MLLT1: variants seen among roughly 807,000 people sequenced by gnomAD.
MLLT1 encodes the protein MLLT1 super elongation complex subunit, also known as protein ENL.
Under a neutral mutation model 55.1 loss-of-function variants are expected in MLLT1, and 11 were observed. That is an observed-to-expected ratio of 0.20 (90% CI 0.13 to 0.33). MLLT1 has a LOEUF of 0.33. Ranked by LOEUF, MLLT1 falls within the 10% of genes least tolerant of loss-of-function variation. MLLT1 has a pLI of 1.00. For missense variants in MLLT1, 536 were observed against 760.6 expected (o/e 0.70, Z 3.47); for synonymous variants, 323 against 320.1 (o/e 1.01, Z -0.10).
chr19:6,235,707 C>A lies in MLLT1; in HGVS notation c.277-4994G>T, dbSNP rs1042143065. Among the ~76,000 whole-genome samples the A allele has an allele frequency of 6.6e-6, 1 of 152,184 alleles. No homozygotes were observed. Among genetic ancestry groups the A allele is most frequent in the Non-Finnish European group, 1.5e-5 (1 of 68,028 alleles). On this transcript the variant is annotated intron_variant, in intron 3 of 11. Coordinates refer to ENST00000252674, the MANE Select transcript of MLLT1 (RefSeq NM_005934.4). The surrounding 1 kb of genome is among the most constrained non-coding windows in gnomAD (Gnocchi z 5.5). ...GACCACCTGCCTCCTAACCGTCACC[C>A]GCTTCCACCACAGCCCCCTTTCAGG...
chr19:6,250,437 A>T (rs1440426770), intron 3 of MLLT1, among the ~76,000 whole-genome samples: 2 of 152,202 alleles, frequency 1.3e-5, no homozygotes, highest in African/African-American at 4.8e-5. Context: ...ATCCCTCAGA[A>T]CTGTGAGGGA....
chr19:6,266,958 A>G (rs1325394538), intron 2 of MLLT1, among the ~76,000 whole-genome samples: 5 of 152,136 alleles, frequency 3.3e-5, no homozygotes, highest in Non-Finnish European at 7.3e-5. Flanking sequence ...TGAAACACTC[A>G]GAGGACTTTA....
At chr19:6,234,853 A>G (rs2091044853) in intron 3 of MLLT1, among the ~76,000 whole-genome samples, 1 of 152,196 alleles carries the variant, frequency 6.6e-6, no homozygotes, top group South Asian at 2.1e-4. Flanking sequence ...AGACAAACCA[A>G]AGAATCACAG....
At chr19:6,261,529 G>A (rs2091305881) in intron 3 of MLLT1, among the ~76,000 whole-genome samples, 1 of 151,800 alleles carries the variant, frequency 6.6e-6, no homozygotes, top group Admixed American at 6.6e-5. Context: ...GCACTTGTGG[G>A]AAAGCAGCCG....
chr19:6,261,631 A>G (rs1338297249), intron 3 of MLLT1, among the ~76,000 whole-genome samples: 4 of 150,154 alleles, frequency 2.7e-5, no homozygotes, highest in Non-Finnish European at 1.5e-5. Context: ...AGTTGTTTTA[A>G]TCATTAGGCC....
In MLLT1 at chr19:6,211,524, G is replaced by T; in HGVS notation, c.*1518C>A. The T allele has an allele frequency of 1.2e-6, 1 of 837,948 alleles. No individual in the cohort carries two copies. Among genetic ancestry groups the T allele is most frequent in the Non-Finnish European group, 1.5e-6 (1 of 671,462 alleles). The allele number at this position is 837,948 out of a possible 1,614,324, so 51.9% of individuals were successfully genotyped here. On this transcript the variant is annotated 3_prime_UTR_variant, in exon 12 of 12. Transcript: ENST00000252674. The surrounding 1 kb of genome is among the most constrained non-coding windows in gnomAD (Gnocchi z 4.6). ...GGGACCTCAGGGAGGGACAGATGGAGCCCCCCAAGTCTGAACTCATAGGCT... is the reference window on the plus strand; with the variant it reads ...GGGACCTCAGGGAGGGACAGATGGATCCCCCCAAGTCTGAACTCATAGGCT...
intron 3 of MLLT1, among the ~76,000 whole-genome samples, chr19:6,258,127 T>C (rs756441581): frequency 6.6e-6 from 1 of 152,176 alleles, no homozygotes; most frequent in Non-Finnish European, 1.5e-5. Flanking sequence ...TGCAATTCCA[T>C]TCCTAGGTGT....
intron 3 of MLLT1, among the ~76,000 whole-genome samples, chr19:6,243,350 C>T (rs1284933855): frequency 6.6e-6 from 1 of 152,188 alleles, no homozygotes; most frequent in African/African-American, 2.4e-5. Context: ...GAGGCCCTCA[C>T]CCTGCCTCCT....
intron 3 of MLLT1, among the ~76,000 whole-genome samples, chr19:6,258,950 C>A (rs915122606): frequency 6.6e-6 from 1 of 152,192 alleles, no homozygotes; most frequent in African/African-American, 2.4e-5. Context: ...ACGCGCCGGG[C>A]CAAGTGCTAC....
chr19:6,244,000 C>A (rs955757452), intron 3 of MLLT1, among the ~76,000 whole-genome samples: 9 of 148,416 alleles, frequency 6.1e-5, no homozygotes, highest in Admixed American at 4.7e-4. Context: ...GCCGAGATCA[C>A]GCCACTGCAC....
intron 1 of MLLT1, among the ~76,000 whole-genome samples, chr19:6,277,554 A>T (rs1002303807): frequency 4.6e-5 from 7 of 152,208 alleles, no homozygotes; most frequent in African/African-American, 4.8e-5. Context: ...GTGCAAAGCC[A>T]GCTCTCTCCC....
rs1440789081 is a variant in MLLT1 at position 6,230,040 on chromosome 19, G to A, written c.420+530C>T. ...CCTCCATAACCACCACCAGCCCTGC[G>A]CCCACCCTGTTGCCAAGAGCCCTCG... On this transcript the variant is annotated intron_variant, in intron 4 of 11. Transcript: ENST00000252674. The surrounding 1 kb of genome is among the most constrained non-coding windows in gnomAD (Gnocchi z 9.0). 6.6e-6 allele frequency among the ~76,000 whole-genome samples: 1 copy of A among 151,506 alleles called. No individual in the cohort carries two copies. The highest frequency in any genetic ancestry group is 2.4e-5 in the African/African-American group (1 of 41,212).
chr19:6,243,250 G>A (rs531684013), intron 3 of MLLT1, among the ~76,000 whole-genome samples: 1 of 152,192 alleles, frequency 6.6e-6, no homozygotes, highest in Non-Finnish European at 1.5e-5. Flanking sequence ...CCCACCCCGG[G>A]AAGGCTCGGG....
chr19:6,248,995 C>T (rs1003668398), intron 3 of MLLT1, among the ~76,000 whole-genome samples: 4 of 152,110 alleles, frequency 2.6e-5, no homozygotes, highest in East Asian at 1.9e-4. Flanking sequence ...GATTTTTATG[C>T]GTCTGGAGCA....
chr19:6,256,378 G>C lies in MLLT1; in HGVS notation c.276+5850C>G, dbSNP rs2091257056. The stretch of plus-strand genomic sequence containing the variant: ...GGAGGCTGAGGTGGGAGGACTGCCT[G>C]AGCCCAAGAGGTCAAAGCTACAGTG... On this transcript the variant is annotated intron_variant, in intron 3 of 11. Transcript: ENST00000252674. This position sits in a 1 kb window ranked among gnomAD's most constrained non-coding sequence, Gnocchi z 4.1. Among the ~76,000 whole-genome samples the C allele has an allele frequency of 6.6e-6, 1 of 152,038 alleles. No homozygotes were observed. The highest frequency in any genetic ancestry group is 2.4e-5 in the African/African-American group (1 of 41,372).
intron 3 of MLLT1, among the ~76,000 whole-genome samples, chr19:6,257,157 A>C (rs1474097074): frequency 1.3e-5 from 2 of 152,246 alleles, no homozygotes; most frequent in African/African-American, 4.8e-5. Flanking sequence ...GGTGTGAGCG[A>C]CAAGAGAAAA....
intron 3 of MLLT1, among the ~76,000 whole-genome samples, chr19:6,238,346 G>A (rs1327018822): frequency 6.6e-6 from 1 of 152,144 alleles, no homozygotes; most frequent in Non-Finnish European, 1.5e-5. Flanking sequence ...TTGTGGTTAG[G>A]GTTTTTGTTT....
At chr19:6,213,823 A>T in intron 9 of MLLT1, 26 bp from the exon 10 acceptor site, 2 of 1,610,590 alleles carry the variant, frequency 1.2e-6, no homozygotes, top group Non-Finnish European at 1.7e-6. Context: ...GTCTCTGCTG[A>T]GCTGTGGCCC....
At chr19:6,233,297 C>T (rs1600186843) in intron 3 of MLLT1, among the ~76,000 whole-genome samples, 1 of 152,232 alleles carries the variant, frequency 6.6e-6, no homozygotes, top group South Asian at 2.1e-4. Context: ...GTCCCAAGTG[C>T]ACCTGCATGG....
Sources: allele counts gnomAD v4.1 joint callset (sites outside exome capture counted in the v4.1 genomes callset), GRCh38; gene constraint gnomAD v4.1.1; non-coding constraint Gnocchi (gnomAD v3.1); transcripts MANE v1.5; gene names NCBI Gene and HGNC (gene_info 2026-07-23, HGNC 2026-07-21).